PCDH7: variants seen among roughly 807,000 people sequenced by gnomAD.
The protein encoded by PCDH7 is protocadherin 7.
A neutral mutation model predicts 58.9 loss-of-function variants in PCDH7; 17 were observed. That is an observed-to-expected ratio of 0.29 (90% CI 0.20 to 0.43). PCDH7 has a LOEUF of 0.43. PCDH7 is among the 20% of genes least tolerant of loss of function. The pLI is 1.00. For synonymous variants in PCDH7, 664 were observed against 616.4 expected (o/e 1.08, Z -1.14); for missense variants, 1,274 against 1,441.0 (o/e 0.88, Z 1.88).
rs180816017 is a variant in PCDH7, at chr4:31,108,165, A to G, written c.*8-34308A>G. On this transcript the variant is annotated intron_variant, in intron 3 of 3. Coordinates refer to the PCDH7 transcript ENST00000509759. ...GGCCAAAATAGACCAGATCATGTTTATGGTATGAAATCTGTAAATATTCAA... is the reference window on the plus strand; with the variant it reads ...GGCCAAAATAGACCAGATCATGTTTGTGGTATGAAATCTGTAAATATTCAA... Among the ~76,000 whole-genome samples, 25 of 152,162 alleles carry G rather than the reference A, an allele frequency of 1.6e-4. No individual in the cohort carries two copies. The East Asian group carries it at 4.6e-3, about 28-fold the overall frequency.
At position 31,137,676 on chromosome 4, in the gene PCDH7, A is replaced by G. The variant is rs149000023; in HGVS notation, c.*8-4797A>G. ...TGTCAAGTAATGTTAATCATATGCCAGAGCTTGATGTTAATGAACAAATTG... is the reference window on the plus strand; with the variant it reads ...TGTCAAGTAATGTTAATCATATGCCGGAGCTTGATGTTAATGAACAAATTG... On this transcript the variant is annotated intron_variant, in intron 3 of 3. Transcript: ENST00000509759. 1.3e-3 allele frequency among the ~76,000 whole-genome samples: 196 copies of G among 152,326 alleles called. 2 individuals are homozygous for G. The highest frequency in any genetic ancestry group is 2.3e-3 in the Non-Finnish European group (154 of 68,040).
intron 3 of PCDH7, among the ~76,000 whole-genome samples, chr4:31,120,376 C>G (rs998327764): frequency 1.3e-5 from 2 of 148,226 alleles, no homozygotes; most frequent in African/African-American, 5.1e-5. Flanking sequence ...TTTTCTTCCT[C>G]AAGCTTCCTC....
intron 3 of PCDH7, among the ~76,000 whole-genome samples, chr4:31,106,157 G>C (rs1429917623): frequency 2.6e-5 from 4 of 152,012 alleles, no homozygotes; most frequent in Admixed American, 6.6e-5. Context: ...GTTTAAGGCA[G>C]TCCTCCCTCT....
At chr4:30,920,939 T>G (rs544677720) in intron 2 of PCDH7, among the ~76,000 whole-genome samples, 3 of 143,060 alleles carry the variant, frequency 2.1e-5, no homozygotes, top group African/African-American at 6.0e-5. Context: ...AAGTATAAGG[T>G]TTTTTTTTAT....
At chr4:30,786,877 G>A (rs1462487284) in intron 1 of PCDH7, 4 of 360,476 alleles carry the variant, frequency 1.1e-5, no homozygotes, top group African/African-American at 2.2e-5. Flanking sequence ...AAAAGAAATC[G>A]ATTCCCAAGG....
chr4:30,989,694 C>T (rs564839779), intron 3 of PCDH7, among the ~76,000 whole-genome samples: 1 of 152,252 alleles, frequency 6.6e-6, no homozygotes, highest in East Asian at 1.9e-4. Flanking sequence ...GTTAGAGATT[C>T]ATAACCAAGC....
intron 1 of PCDH7, among the ~76,000 whole-genome samples, chr4:30,887,958 C>T (rs932685567): frequency 1.3e-5 from 2 of 151,670 alleles, no homozygotes; most frequent in African/African-American, 2.4e-5. Context: ...TCACTGCAAC[C>T]TCTGCCTCCC....
At chr4:31,025,691 G>C (rs1004674302) in intron 3 of PCDH7, among the ~76,000 whole-genome samples, 1 of 152,116 alleles carries the variant, frequency 6.6e-6, no homozygotes, top group Non-Finnish European at 1.5e-5. Flanking sequence ...CATTTTAAGT[G>C]CTTCTTGTTC....
chr4:30,939,273 T>C (rs1410030715), intron 2 of PCDH7, among the ~76,000 whole-genome samples: 1 of 152,144 alleles, frequency 6.6e-6, no homozygotes, highest in Non-Finnish European at 1.5e-5. Flanking sequence ...TAATAACCAT[T>C]TCAGTATTGT....
At chr4:31,004,436 G>A (rs537923963) in intron 3 of PCDH7, among the ~76,000 whole-genome samples, 4 of 152,190 alleles carry the variant, frequency 2.6e-5, no homozygotes, top group Admixed American at 2.0e-4. Flanking sequence ...AAGGCCGGGC[G>A]TGGTGGCTTA....
intron 3 of PCDH7, among the ~76,000 whole-genome samples, chr4:31,091,663 A>G (rs565083057): frequency 1.3e-5 from 2 of 152,066 alleles, no homozygotes; most frequent in South Asian, 4.1e-4. Context: ...AGAATTTTAT[A>G]TCCTAGTTTA....
intron 3 of PCDH7, among the ~76,000 whole-genome samples, chr4:31,106,803 T>C (rs1365221612): frequency 2.0e-5 from 3 of 152,216 alleles, no homozygotes; most frequent in African/African-American, 7.2e-5. Context: ...CCATTTAGGA[T>C]AGTATTCTAT....
At chr4:30,907,000 G>C (rs1741030246) in intron 1 of PCDH7, among the ~76,000 whole-genome samples, 1 of 152,112 alleles carries the variant, frequency 6.6e-6, no homozygotes, top group Non-Finnish European at 1.5e-5. Context: ...TCTAGCCTGG[G>C]TGACAGAGTG....
chr4:30,800,946 T>C (rs930506285), intron 1 of PCDH7, among the ~76,000 whole-genome samples: 6 of 152,190 alleles, frequency 3.9e-5, no homozygotes, highest in African/African-American at 1.4e-4. Flanking sequence ...ACAAAATACC[T>C]GTTTTGGGAA....
intron 1 of PCDH7, among the ~76,000 whole-genome samples, chr4:30,769,235 G>A (rs1194162163): frequency 7.2e-5 from 11 of 152,324 alleles, no homozygotes; most frequent in East Asian, 1.9e-4. Context: ...CTTCCTGCAC[G>A]CAGCTAGTGT....
At chr4:30,731,273 T>G in exon 2 of PCDH7, 2,311 of 261,832 alleles carry the variant, frequency 8.8e-3, no homozygotes, top group Non-Finnish European at 0.013. Context: ...GAGTGAAGGA[T>G]AATATCTTTT....
At chr4:30,853,246 C>G (rs116419536) in intron 1 of PCDH7, among the ~76,000 whole-genome samples, 2,098 of 152,200 alleles carry the variant, frequency 0.014, 24 homozygotes, top group Middle Eastern at 0.024. Flanking sequence ...CTAACTTTAC[C>G]TAGTGTTAAT....
intron 1 of PCDH7, among the ~76,000 whole-genome samples, chr4:30,786,973 T>A (rs1396092260): frequency 6.6e-6 from 1 of 151,938 alleles, no homozygotes; most frequent in Non-Finnish European, 1.5e-5. Context: ...CAAAAAGGAA[T>A]CAAACTGTGC....
chr4:30,973,428 G>A (rs1350227632), intron 3 of PCDH7, among the ~76,000 whole-genome samples: 1 of 152,162 alleles, frequency 6.6e-6, no homozygotes, highest in Non-Finnish European at 1.5e-5. Flanking sequence ...TTAACTGAGT[G>A]TAATGAGTGA....
Sources: allele counts gnomAD v4.1 joint callset (sites outside exome capture counted in the v4.1 genomes callset), GRCh38; gene constraint gnomAD v4.1.1; transcripts MANE v1.5; gene names NCBI Gene and HGNC (gene_info 2026-07-23, HGNC 2026-07-21).